The following FRMD4A variants were observed in gnomAD, a reference collection of about 807,000 sequenced individuals.
FRMD4A encodes FERM domain containing 4A.
Under a neutral mutation model 129.1 loss-of-function variants are expected in FRMD4A, and 29 were observed. The observed-to-expected ratio is 0.22, with a 90% confidence interval of 0.17 to 0.31. FRMD4A has a LOEUF of 0.31. FRMD4A is among the 10% of genes least tolerant of loss of function. The probability of loss-of-function intolerance (pLI) is 1.00; values close to 1 mark genes in which losing one functional copy is unlikely to be tolerated. For missense variants in FRMD4A, 1,272 were observed against 1,375.8 expected, an observed-to-expected ratio of 0.92 and a Z score of 1.19; for synonymous variants, 634 against 571.6, an observed-to-expected ratio of 1.11 and a Z score of -1.56.
chr10:14,055,177 C>T (rs1011519366), intron 2 of FRMD4A, among the ~76,000 whole-genome samples: 10 of 152,160 alleles, frequency 6.6e-5, no homozygotes, highest in Non-Finnish European at 1.2e-4. Flanking sequence ...GTCCCCAGTA[C>T]TCAACCTCAG....
chr10:13,760,248 C>T (rs1033855969), intron 8 of FRMD4A, among the ~76,000 whole-genome samples: 10 of 152,010 alleles, frequency 6.6e-5, no homozygotes, highest in Admixed American at 2.0e-4. Context: ...TGGCCCTCAA[C>T]AAAAAAAGCT....
At chr10:14,089,355 A>G (rs1836496738) in intron 2 of FRMD4A, among the ~76,000 whole-genome samples, 1 of 152,088 alleles carries the variant, frequency 6.6e-6, no homozygotes, top group Non-Finnish European at 1.5e-5. Flanking sequence ...CCAGCCCCGC[A>G]GTGCATGAAG....
At chr10:14,260,023 CAAA>C (rs11288245) in intron 2 of FRMD4A, among the ~76,000 whole-genome samples, 9,381 of 132,764 alleles carry the variant, frequency 0.071, 363 homozygotes, top group Non-Finnish European at 0.096. Context: ...CTAGAAATGG[CAAA>C]AAAAAAAAAA....
chr10:13,733,674 G>A (rs923883189), intron 12 of FRMD4A, among the ~76,000 whole-genome samples: 6 of 152,200 alleles, frequency 3.9e-5, no homozygotes, highest in African/African-American at 1.2e-4. Context: ...TGATCTGTCC[G>A]CCTCGGCCTC....
At chr10:13,805,502 C>A (rs2093343925) in intron 4 of FRMD4A, among the ~76,000 whole-genome samples, 1 of 151,446 alleles carries the variant, frequency 6.6e-6, no homozygotes, top group Non-Finnish European at 1.5e-5. Context: ...ACAAGCAATT[C>A]TTAAAATTTA....
At chr10:14,284,744 T>G (rs1353777425) in intron 2 of FRMD4A, among the ~76,000 whole-genome samples, 1 of 152,230 alleles carries the variant, frequency 6.6e-6, no homozygotes, top group Admixed American at 6.5e-5. Flanking sequence ...AAAACTTGTG[T>G]GGTACTATAT....
At chr10:14,249,194 A>G (rs1019082660) in intron 2 of FRMD4A, among the ~76,000 whole-genome samples, 1 of 152,076 alleles carries the variant, frequency 6.6e-6, no homozygotes, top group African/African-American at 2.4e-5. Flanking sequence ...CTACTAAAAA[A>G]TAGGAAAATT....
At chr10:14,262,866 T>C (rs1275312390) in intron 2 of FRMD4A, among the ~76,000 whole-genome samples, 2 of 152,202 alleles carry the variant, frequency 1.3e-5, no homozygotes, top group African/African-American at 2.4e-5. Flanking sequence ...CATTTTCTTT[T>C]ACAAGTAAAT....
chr10:13,714,408 T>C (rs1320737154), intron 12 of FRMD4A, among the ~76,000 whole-genome samples: 1 of 151,628 alleles, frequency 6.6e-6, no homozygotes, highest in Non-Finnish European at 1.5e-5. Context: ...AGAGGTTTTT[T>C]TTTTTCTATC....
intron 2 of FRMD4A, among the ~76,000 whole-genome samples, chr10:14,318,546 T>A (rs1167182381): frequency 3.4e-5 from 5 of 148,682 alleles, no homozygotes; most frequent in Non-Finnish European, 5.9e-5. Context: ...AAGCACATGT[T>A]AGCCCCAGAT....
chr10:14,046,819 G>A (rs897008916), intron 2 of FRMD4A, among the ~76,000 whole-genome samples: 3 of 152,150 alleles, frequency 2.0e-5, no homozygotes, highest in Non-Finnish European at 4.4e-5. Flanking sequence ...CTCTGATGAG[G>A]AAAATCTAAG....
intron 2 of FRMD4A, among the ~76,000 whole-genome samples, chr10:14,255,568 G>A (rs1844581381): frequency 6.6e-6 from 1 of 152,200 alleles, no homozygotes; most frequent in Admixed American, 6.5e-5. Flanking sequence ...AATCAGATGA[G>A]CACAATTGCC....
intron 2 of FRMD4A, among the ~76,000 whole-genome samples, chr10:14,004,387 A>G (rs769978039): frequency 8.5e-5 from 13 of 152,170 alleles, no homozygotes; most frequent in Non-Finnish European, 1.6e-4. Context: ...TACTAAAAAT[A>G]TAAAATTATC....
At chr10:13,971,866 G>A in intron 2 of FRMD4A, 1 of 1,295,860 alleles carries the variant, frequency 7.7e-7, no homozygotes, top group Non-Finnish European at 1.0e-6. Flanking sequence ...TGTTCTTTTA[G>A]TGACACAAAG....
Position 14,267,856 on chromosome 10 carries a change from G to A in FRMD4A, c.45+62202C>T, listed in dbSNP as rs554229182. Among the ~76,000 whole-genome samples the A allele has an allele frequency of 6.6e-5, 10 of 152,280 alleles. No homozygotes were observed. In the East Asian group the frequency reaches 1.5e-3, roughly 24 times the overall value. ...ATCTAGATACCTAATCACTCTGTAG[G>A]ATTGTTTTATAGGAAATAATGCATT... On this transcript the variant is annotated intron_variant, in intron 2 of 24. Transcript: ENST00000357447.
chr10:13,935,908 A>G (rs1396675806), intron 2 of FRMD4A, among the ~76,000 whole-genome samples: 1 of 143,056 alleles, frequency 7.0e-6, no homozygotes, highest in African/African-American at 2.5e-5. Flanking sequence ...TGTGCTTTCC[A>G]TTGCATCAGG....
At chr10:13,884,860 TCAGAGCTAA>T (rs754771633) in intron 2 of FRMD4A, among the ~76,000 whole-genome samples, 4 of 152,238 alleles carry the variant, frequency 2.6e-5, no homozygotes, top group Non-Finnish European at 5.9e-5. Context: ...TTGTGAAATA[TCAGAGCTAA>T]CATTTGTCCA....
At chr10:13,679,892 C>A (rs993412774) in intron 15 of FRMD4A, among the ~76,000 whole-genome samples, 19 of 152,158 alleles carry the variant, frequency 1.2e-4, no homozygotes, top group African/African-American at 4.6e-4. Flanking sequence ...CAACATTCCA[C>A]AGAAGCAGCT....
intron 2 of FRMD4A, among the ~76,000 whole-genome samples, chr10:14,265,403 C>A (rs1366060420): frequency 6.6e-6 from 1 of 152,034 alleles, no homozygotes; most frequent in Non-Finnish European, 1.5e-5. Context: ...TGTTTTGTAA[C>A]CTGAAAGTTT....
Sources: allele counts gnomAD v4.1 joint callset (sites outside exome capture counted in the v4.1 genomes callset), GRCh38; gene constraint gnomAD v4.1.1; transcripts MANE v1.5; gene names NCBI Gene and HGNC (gene_info 2026-07-23, HGNC 2026-07-21).